Variants in MECOM observed in about 807,000 individuals in gnomAD.
MECOM encodes the protein histone-lysine N-methyltransferase MECOM.
A neutral mutation model predicts 116.3 loss-of-function variants in MECOM; 13 were observed. That is an observed-to-expected ratio of 0.11 (90% CI 0.07 to 0.18). The LOEUF (loss-of-function observed/expected upper bound fraction) is 0.18. Ranked by LOEUF, MECOM falls within the 10% of genes least tolerant of loss-of-function variation. The pLI is 1.00. For synonymous variants in MECOM, 528 were observed against 535.2 expected, an observed-to-expected ratio of 0.99 and a Z score of 0.19; for missense variants, 1,299 against 1,509.0, an observed-to-expected ratio of 0.86 and a Z score of 2.31.
At chr3:169,352,958 C>G (rs1224471283) in intron 2 of MECOM, among the ~76,000 whole-genome samples, 2 of 151,932 alleles carry the variant, frequency 1.3e-5, no homozygotes, top group African/African-American at 4.8e-5. Context: ...AGGGTTAGAG[C>G]TTTGCTGTCT....
At chr3:169,428,808 G>A (rs1356912464) in intron 1 of MECOM, among the ~76,000 whole-genome samples, 7 of 152,092 alleles carry the variant, frequency 4.6e-5, no homozygotes, top group African/African-American at 9.7e-5. Context: ...AAAGGGATTG[G>A]AATCAAAGGT....
At chr3:169,499,920 C>T (rs558456710) in intron 1 of MECOM, among the ~76,000 whole-genome samples, 1 of 152,140 alleles carries the variant, frequency 6.6e-6, no homozygotes, top group East Asian at 1.9e-4. Flanking sequence ...AGCTTGGTAA[C>T]ATTTTCTAAG....
intron 1 of MECOM, among the ~76,000 whole-genome samples, chr3:169,482,328 C>CT (rs768771100): frequency 0.4 from 43,077 of 108,258 alleles, 9,585 homozygotes; most frequent in South Asian, 0.55. Flanking sequence ...AACCCACGTT[C>CT]TTTTTTTTTT....
chr3:169,473,751 G>A (rs938899133), intron 1 of MECOM, among the ~76,000 whole-genome samples: 4 of 151,582 alleles, frequency 2.6e-5, no homozygotes, highest in African/African-American at 9.7e-5. Flanking sequence ...CCTGGTGACA[G>A]AGCCAGACTC....
intron 1 of MECOM, among the ~76,000 whole-genome samples, chr3:169,649,442 A>C (rs894992965): frequency 6.8e-6 from 1 of 147,984 alleles, no homozygotes; most frequent in African/African-American, 2.4e-5. Flanking sequence ...GGAAAACAAA[A>C]TATCTGGAGA....
chr3:169,663,236 C>A (rs140833063), intron 1 of MECOM, 100 bp downstream of exon 1: 31,514 of 1,414,722 alleles, frequency 0.022, 430 homozygotes, highest in South Asian at 0.042. Context: ...GGGGCCCCGG[C>A]GCAAGAGGCA....
At chr3:169,568,779 C>A (rs1396399979) in intron 1 of MECOM, among the ~76,000 whole-genome samples, 1 of 152,180 alleles carries the variant, frequency 6.6e-6, no homozygotes, top group African/African-American at 2.4e-5. Context: ...CCTTTACAGA[C>A]AAGCAAATGC....
chr3:169,285,647 T>C (rs755681092), intron 2 of MECOM, among the ~76,000 whole-genome samples: 9 of 152,170 alleles, frequency 5.9e-5, no homozygotes, highest in Non-Finnish European at 1.0e-4. Context: ...AACAATATTG[T>C]GAAAAATATT....
At chr3:169,105,875 T>C (rs1351554940) in intron 10 of MECOM, among the ~76,000 whole-genome samples, 2 of 152,160 alleles carry the variant, frequency 1.3e-5, no homozygotes, top group African/African-American at 4.8e-5. Flanking sequence ...GCTATCTCTC[T>C]AGTCAAATAA....
chr3:169,426,083 A>G (rs1740623850), intron 1 of MECOM, among the ~76,000 whole-genome samples: 1 of 152,142 alleles, frequency 6.6e-6, no homozygotes, highest in Non-Finnish European at 1.5e-5. Context: ...ATACTTTTCT[A>G]TCTGAAAAAT....
At chr3:169,200,279 T>C (rs1748974769) in intron 2 of MECOM, among the ~76,000 whole-genome samples, 1 of 152,148 alleles carries the variant, frequency 6.6e-6, no homozygotes. Flanking sequence ...TTGGTTCATA[T>C]TCTTTCAGCT....
At chr3:169,575,847 C>T (rs915636002) in intron 1 of MECOM, among the ~76,000 whole-genome samples, 2 of 151,974 alleles carry the variant, frequency 1.3e-5, no homozygotes, top group Non-Finnish European at 2.9e-5. Flanking sequence ...CTCAAAACCT[C>T]TCTGGACAGG....
intron 1 of MECOM, among the ~76,000 whole-genome samples, chr3:169,612,179 A>G (rs1468637141): frequency 6.6e-6 from 1 of 152,230 alleles, no homozygotes; most frequent in Non-Finnish European, 1.5e-5. Context: ...TTAACATATT[A>G]GTCGATATTT....
rs140247530 is a variant in MECOM, at chr3:169,189,422, G to A, written c.376-45590C>T. On this transcript the variant is annotated intron_variant, in intron 2 of 16. Coordinates refer to ENST00000651503, the MANE Select transcript of MECOM (RefSeq NM_004991.4). ...AAACTCCAGGGGAAAAAAATCCTTT[G>A]GGGCTCTGCTGTAGCTTTGAACCTA... Among the ~76,000 whole-genome samples the A allele has an allele frequency of 8.9e-3, 1,360 of 151,998 alleles. 11 individuals are homozygous for A. The highest frequency in any genetic ancestry group is 0.015 in the Non-Finnish European group (1,018 of 67,936).
At chr3:169,149,973 G>C (rs921508551) in intron 2 of MECOM, among the ~76,000 whole-genome samples, 1 of 138,790 alleles carries the variant, frequency 7.2e-6, no homozygotes, top group African/African-American at 2.8e-5. Context: ...GTGTGTGTGT[G>C]TGTGTCTGTC....
chr3:169,147,351 A>G (rs1166032322), intron 2 of MECOM: 1 of 985,342 alleles, frequency 1.0e-6, no homozygotes, highest in Non-Finnish European at 1.2e-6. Flanking sequence ...TCGCAACTCC[A>G]AGCTCAGCCG....
At chr3:169,416,756 C>T (rs1038580510) in intron 1 of MECOM, among the ~76,000 whole-genome samples, 4 of 152,072 alleles carry the variant, frequency 2.6e-5, no homozygotes, top group African/African-American at 9.7e-5. Context: ...GTAAACACCT[C>T]TATGTAAGTA....
chr3:169,201,252 A>G (rs1483912952), intron 2 of MECOM, among the ~76,000 whole-genome samples: 1 of 90,502 alleles, frequency 1.1e-5, no homozygotes, highest in East Asian at 3.8e-4. Context: ...ATGATTTTAG[A>G]CAAGATGTGT....
chr3:169,485,999 A>T (rs1234117528), intron 1 of MECOM, among the ~76,000 whole-genome samples: 1 of 87,338 alleles, frequency 1.1e-5, no homozygotes. Flanking sequence ...ATATATGTAT[A>T]TATATACTAT....
Sources: gnomAD v4.1 joint callset for allele counts (sites outside exome capture counted in the v4.1 genomes callset) on GRCh38, gnomAD v4.1.1 for gene constraint, MANE v1.5 for transcripts, NCBI Gene and HGNC (gene_info 2026-07-23, HGNC 2026-07-21) for gene names.